MITF: variants seen among roughly 807,000 people sequenced by gnomAD.
MITF encodes microphthalmia-associated transcription factor.
Under a neutral mutation model 60.5 loss-of-function variants are expected in MITF, and 17 were observed. The ratio of observed to expected loss-of-function variants is 0.28; its 90% CI spans 0.19 to 0.42. The LOEUF is 0.42. MITF is among the 10% of genes least tolerant of loss of function. The pLI is 1.00. For missense variants in MITF, 622 were observed against 683.5 expected (o/e 0.91, Z 1.00); for synonymous variants, 260 against 248.5 (o/e 1.05, Z -0.43).
chr3:69,838,934 CTT>C (rs2063582208), intron 1 of MITF, among the ~76,000 whole-genome samples: 1 of 152,136 alleles, frequency 6.6e-6, no homozygotes, highest in African/African-American at 2.4e-5. Context: ...AGCTGCAGCC[CTT>C]CATGAACCTT....
intron 2 of MITF, among the ~76,000 whole-genome samples, chr3:69,926,665 G>T (rs540032478): frequency 6.6e-6 from 1 of 152,318 alleles, no homozygotes; most frequent in South Asian, 2.1e-4. Context: ...AGCTCCCATG[G>T]TGGGGGGGAT....
intron 5 of MITF, among the ~76,000 whole-genome samples, chr3:69,942,183 A>T (rs996511431): frequency 3.9e-5 from 6 of 152,142 alleles, no homozygotes; most frequent in African/African-American, 1.4e-4. Context: ...GAGGAAAGGG[A>T]AAAGGGGAGT....
chr3:69,960,700 G>A (rs2066519533), intron 9 of MITF, among the ~76,000 whole-genome samples: 1 of 152,166 alleles, frequency 6.6e-6, no homozygotes, highest in Non-Finnish European at 1.5e-5. Flanking sequence ...ACTATTCATG[G>A]AGTTATTTTA....
chr3:69,807,514 C>T (rs576970150), intron 1 of MITF, among the ~76,000 whole-genome samples: 4 of 152,152 alleles, frequency 2.6e-5, no homozygotes, highest in Non-Finnish European at 5.9e-5. Context: ...GTTGGTTGAA[C>T]CCAATTAATG....
intron 1 of MITF, among the ~76,000 whole-genome samples, chr3:69,829,762 A>G (rs1012244349): frequency 2.0e-5 from 3 of 152,138 alleles, no homozygotes. Flanking sequence ...TAATGCATAC[A>G]TTCTTTCTCC....
At chr3:69,809,438 G>T (rs763004751) in intron 1 of MITF, among the ~76,000 whole-genome samples, 1 of 152,096 alleles carries the variant, frequency 6.6e-6, no homozygotes, top group Non-Finnish European at 1.5e-5. Flanking sequence ...AAGGAGTTAA[G>T]GTATGGATTC....
chr3:69,909,762 A>T (rs1406209835), intron 2 of MITF, among the ~76,000 whole-genome samples: 1 of 152,172 alleles, frequency 6.6e-6, no homozygotes, highest in Non-Finnish European at 1.5e-5. Context: ...TGGCGGAAGA[A>T]ATTTCTAAGC....
intron 2 of MITF, among the ~76,000 whole-genome samples, chr3:69,916,197 CT>C (rs1161719471): frequency 3.3e-5 from 5 of 152,116 alleles, no homozygotes; most frequent in African/African-American, 7.2e-5. Context: ...TTTTCAGTGT[CT>C]TTTTTTATGT....
At chr3:69,833,334 C>T (rs1325593686) in intron 1 of MITF, among the ~76,000 whole-genome samples, 7 of 137,804 alleles carry the variant, frequency 5.1e-5, no homozygotes, top group East Asian at 2.3e-4. Context: ...TGGTTGTTTC[C>T]CTGTTCACAC....
chr3:69,959,399 G>A lies in MITF; in HGVS notation c.1158G>A (p.Arg386=), dbSNP rs2107537910. 1.2e-6 allele frequency: 2 copies of A among 1,613,844 alleles called. No individual in the cohort carries two copies. The highest frequency in any genetic ancestry group is 1.7e-6 in the Non-Finnish European group (2 of 1,179,848). Residue 386 remains arginine (R), a synonymous_variant, in exon 9 of 10, where the codon CGG becomes CGA. Coordinates refer to ENST00000352241, the MANE Select transcript of MITF (RefSeq NM_001354604.2). The part of the protein sequence containing the change: ...NRQKKLEHAN[R]HLLLRIQELE... ...AGAAGAAACTGGAGCACGCCAACCG[G>A]CATTTGTTGCTCAGAATACAGGTAC...
intron 1 of MITF, among the ~76,000 whole-genome samples, chr3:69,767,488 G>T (rs184982184): frequency 1.3e-5 from 2 of 152,246 alleles, no homozygotes; most frequent in Admixed American, 1.3e-4. Context: ...GGGAGGCTGA[G>T]GCAGGAGAGT....
rs1179187606 is a variant in MITF, at chr3:69,965,904, C to A, written c.*656C>A. The A allele has an allele frequency of 4.3e-6, 1 of 231,262 alleles. No homozygotes were observed. Among genetic ancestry groups the A allele is most frequent in the East Asian group, 6.2e-5 (1 of 16,226 alleles). The allele number at this position is 231,262 out of a possible 1,614,324, so 14.3% of individuals were successfully genotyped here. On this transcript the variant is annotated 3_prime_UTR_variant, in exon 10 of 10. Coordinates refer to ENST00000352241, the MANE Select transcript of MITF (RefSeq NM_001354604.2). ...AACTGAAGGGAGTTAGACCAAGGCT[C>A]TGAAATATAAAGTCTAATCTTGCTC...
At chr3:69,849,193 T>C (rs1326076196) in intron 1 of MITF, among the ~76,000 whole-genome samples, 6 of 151,890 alleles carry the variant, frequency 4.0e-5, no homozygotes. Context: ...CTCGATCTCC[T>C]GACCTCGTGA....
intron 1 of MITF, among the ~76,000 whole-genome samples, chr3:69,848,616 A>C (rs2063770824): frequency 6.6e-6 from 1 of 152,182 alleles, no homozygotes; most frequent in Non-Finnish European, 1.5e-5. Context: ...CGGTAATATC[A>C]TGCTCAGAGT....
At chr3:69,952,139 GTT>G (rs934438094) in intron 7 of MITF, among the ~76,000 whole-genome samples, 1 of 151,774 alleles carries the variant, frequency 6.6e-6, no homozygotes, top group Non-Finnish European at 1.5e-5. Flanking sequence ...TCTAGTAGTG[GTT>G]TTCTCTCTCT....
chr3:69,946,351 G>A (rs914717047), intron 5 of MITF, among the ~76,000 whole-genome samples: 4 of 152,046 alleles, frequency 2.6e-5, no homozygotes, highest in African/African-American at 4.8e-5. Flanking sequence ...GCTAGTAAGC[G>A]GCAGGGTTTT....
chr3:69,917,689 G>A (rs937331273), intron 2 of MITF, among the ~76,000 whole-genome samples: 1 of 152,070 alleles, frequency 6.6e-6, no homozygotes, highest in Non-Finnish European at 1.5e-5. Context: ...ATCGTAAAAT[G>A]TAATTTAAAT....
intron 2 of MITF, among the ~76,000 whole-genome samples, chr3:69,919,673 T>C (rs966057240): frequency 1.3e-5 from 2 of 152,224 alleles, no homozygotes; most frequent in African/African-American, 4.8e-5. Flanking sequence ...ACTTCTATAA[T>C]ACTTGAAGAG....
chr3:69,806,910 A>G (rs1297190204), intron 1 of MITF, among the ~76,000 whole-genome samples: 2 of 152,226 alleles, frequency 1.3e-5, no homozygotes, highest in Non-Finnish European at 2.9e-5. Flanking sequence ...CAGGAAAAAA[A>G]TACAAGCCAG....
Sources: gnomAD v4.1 joint callset for allele counts (sites outside exome capture counted in the v4.1 genomes callset) on GRCh38, gnomAD v4.1.1 for gene constraint, MANE v1.5 for transcripts, NCBI Gene and HGNC (gene_info 2026-07-23, HGNC 2026-07-21) for gene names.